NLGN4X: variants seen among roughly 807,000 people sequenced by gnomAD.
The protein encoded by NLGN4X is neuroligin-4, X-linked.
In NLGN4X, 3 loss-of-function variants were observed where a neutral mutation model predicts 40.3. That is an observed-to-expected ratio of 0.07 (90% CI 0.03 to 0.19). NLGN4X has a LOEUF of 0.19. NLGN4X is among the 10% of genes least tolerant of loss of function. The pLI is 1.00. For synonymous variants in NLGN4X, 270 were observed against 306.8 expected (o/e 0.88, Z 1.25); for missense variants, 382 against 708.3 (o/e 0.54, Z 5.23).
intron 2 of NLGN4X, among the ~76,000 whole-genome samples, chrX:6,071,362 C>T (rs370239420): frequency 1.8e-5 from 2 of 110,377 alleles, no homozygotes; most frequent in African/African-American, 3.3e-5. Flanking sequence ...AGCGGTGGGG[C>T]GGGGGGAGAG....
intron 3 of NLGN4X, among the ~76,000 whole-genome samples, chrX:5,912,716 C>T (rs946464411): frequency 9.3e-6 from 1 of 107,015 alleles, no homozygotes; most frequent in African/African-American, 3.4e-5. Context: ...AATTAGATCT[C>T]ACTATCAATC....
intron 3 of NLGN4X, among the ~76,000 whole-genome samples, chrX:5,954,542 T>C (rs1423293309): frequency 9.3e-6 from 1 of 108,058 alleles, no homozygotes; most frequent in Non-Finnish European, 1.9e-5. Context: ...GCCTCATACA[T>C]TGACACTTTG....
intron 1 of NLGN4X, among the ~76,000 whole-genome samples, chrX:6,192,390 C>T (rs1569291453): frequency 9.0e-6 from 1 of 111,709 alleles, no homozygotes; most frequent in Non-Finnish European, 1.9e-5. Flanking sequence ...AGCCTCCCAA[C>T]GTGTTGGGAT....
intron 1 of NLGN4X, among the ~76,000 whole-genome samples, chrX:6,210,043 G>A (rs191115101): frequency 8.5e-4 from 94 of 110,721 alleles, no homozygotes; most frequent in African/African-American, 2.5e-3. Context: ...CTGTAGAAAC[G>A]CGGTCTCATT....
chrX:6,085,576 TTTAC>T (rs980118388), intron 2 of NLGN4X, among the ~76,000 whole-genome samples: 4 of 112,300 alleles, frequency 3.6e-5, no homozygotes, highest in African/African-American at 1.3e-4. Flanking sequence ...AACCTAATAT[TTTAC>T]TTACATACCA....
intron 3 of NLGN4X, among the ~76,000 whole-genome samples, chrX:5,933,050 G>C (rs1339616926): frequency 9.1e-6 from 1 of 110,300 alleles, no homozygotes; most frequent in African/African-American, 3.3e-5. Context: ...GACATTAGCA[G>C]ACACAGGAGT....
intron 2 of NLGN4X, among the ~76,000 whole-genome samples, chrX:6,070,561 T>C (rs964985687): frequency 8.9e-6 from 1 of 111,777 alleles, no homozygotes; most frequent in African/African-American, 3.3e-5. Context: ...CTGAGCAACA[T>C]AGTGAGACCC....
intron 1 of NLGN4X, among the ~76,000 whole-genome samples, chrX:6,158,378 A>G (rs1380880087): frequency 1.8e-5 from 2 of 112,086 alleles, no homozygotes; most frequent in Non-Finnish European, 3.8e-5. Flanking sequence ...CTAGTAATTC[A>G]GCCTACACTC....
chrX:5,902,658 C>T (rs1406493588), intron 5 of NLGN4X, among the ~76,000 whole-genome samples: 1 of 112,412 alleles, frequency 8.9e-6, no homozygotes, highest in Non-Finnish European at 1.9e-5. Flanking sequence ...CACCACTGCA[C>T]TCCAGTGTGG....
rs1325329826 is a variant in NLGN4X at position 6,059,821 on chromosome X, G to T, written c.473-30389C>A. Among the ~76,000 whole-genome samples the T allele has an allele frequency of 5.4e-5, 6 of 111,427 alleles. No individual in the cohort carries two copies. In the Admixed American group the frequency reaches 5.7e-4, roughly 11 times the overall value. On this transcript the variant is annotated intron_variant, in intron 2 of 5. Coordinates refer to ENST00000381095, the MANE Select transcript of NLGN4X (RefSeq NM_181332.3). ...CAACACTGTATGATTTCACTGTCATGTCTTGTTTACTTTTTCATCAAACTA... is the reference window on the plus strand; with the variant it reads ...CAACACTGTATGATTTCACTGTCATTTCTTGTTTACTTTTTCATCAAACTA...
chrX:6,027,287 C>A (rs758492221), intron 3 of NLGN4X, among the ~76,000 whole-genome samples: 7 of 112,282 alleles, frequency 6.2e-5, no homozygotes, highest in African/African-American at 1.9e-4. Flanking sequence ...AACTATCCAG[C>A]GCCTCTGAAA....
intron 2 of NLGN4X, among the ~76,000 whole-genome samples, chrX:6,044,840 A>G (rs749903634): frequency 5.6e-4 from 63 of 112,501 alleles, no homozygotes; most frequent in African/African-American, 2.0e-3. Context: ...AGTCTTAAAA[A>G]AGACACACAA....
At chrX:6,078,307 C>T (rs1232405517) in intron 2 of NLGN4X, among the ~76,000 whole-genome samples, 2 of 112,061 alleles carry the variant, frequency 1.8e-5, no homozygotes, top group African/African-American at 6.5e-5. Flanking sequence ...GAGTCAACAA[C>T]AATGGGTCAT....
In NLGN4X at chrX:6,200,394, C is replaced by G. The variant is rs1186234364; in HGVS notation, c.-306+28147G>C. ...AAAATGTCCTAACACGGTATCCACT[C>G]AGATCACAAAACCAAAAGAGGACTG... On this transcript the variant is annotated intron_variant, in intron 1 of 5. Transcript: ENST00000381095. 2.7e-5 allele frequency among the ~76,000 whole-genome samples: 3 copies of G among 111,478 alleles called. No homozygotes were observed. In the South Asian group the frequency reaches 1.1e-3, roughly 42 times the overall value.
chrX:6,223,822 T>C (rs1326557033), intron 1 of NLGN4X, among the ~76,000 whole-genome samples: 1 of 112,890 alleles, frequency 8.9e-6, no homozygotes, highest in African/African-American at 3.2e-5. Context: ...AAATCAGTGG[T>C]GGCTATTCAA....
intron 2 of NLGN4X, among the ~76,000 whole-genome samples, chrX:6,138,601 C>T (rs1330031684): frequency 9.0e-6 from 1 of 111,701 alleles, no homozygotes; most frequent in Non-Finnish European, 1.9e-5. Flanking sequence ...CAAAAATGCT[C>T]TGGGTCTTCA....
intron 3 of NLGN4X, among the ~76,000 whole-genome samples, chrX:5,978,071 T>C (rs747363228): frequency 8.9e-6 from 1 of 112,115 alleles, no homozygotes; most frequent in East Asian, 2.8e-4. Flanking sequence ...TGGAATTGGA[T>C]GGGATGTATG....
At chrX:6,208,404 C>T (rs934091445) in intron 1 of NLGN4X, among the ~76,000 whole-genome samples, 1 of 112,134 alleles carries the variant, frequency 8.9e-6, no homozygotes, top group East Asian at 2.8e-4. Context: ...GGATAACGTG[C>T]GTTATATTAA....
At chrX:6,067,105 T>TC (rs139427925) in intron 2 of NLGN4X, among the ~76,000 whole-genome samples, 12,846 of 102,273 alleles carry the variant, frequency 0.13, 2,130 homozygotes, top group African/African-American at 0.43. Context: ...TGAGATACAG[T>TC]CCCCCCCCCA....
Sources: allele counts gnomAD v4.1 joint callset (sites outside exome capture counted in the v4.1 genomes callset), GRCh38; gene constraint gnomAD v4.1.1; transcripts MANE v1.5; gene names NCBI Gene and HGNC (gene_info 2026-07-23, HGNC 2026-07-21).